The following TBL1Y variants were observed in gnomAD, a reference collection of about 807,000 sequenced individuals.
TBL1Y encodes the protein F-box-like/WD repeat-containing protein TBL1Y.
A neutral mutation model predicts 12.0 loss-of-function variants in TBL1Y; 15 were observed. That is an observed-to-expected ratio of 1.25 (90% confidence interval 0.83 to 1.92). The LOEUF is 1.92. TBL1Y is among the 40% of genes most tolerant of loss of function. The probability of loss-of-function intolerance (pLI) is 0.00; values close to 1 mark genes in which losing one functional copy is unlikely to be tolerated. For synonymous variants in TBL1Y, 53 were observed against 42.6 expected (o/e 1.24, Z -0.95); for missense variants, 148 against 116.7 (o/e 1.27, Z -1.24).
intron 8 of TBL1Y, among the ~76,000 whole-genome samples, chrY:7,066,658 G>A (rs2012986848): frequency 3.1e-5 from 1 of 32,317 alleles, no homozygotes; most frequent in Admixed American, 2.8e-4. Context: ...CAGCCACCAC[G>A]CCCGGCTAAG....
intron 2 of TBL1Y, among the ~76,000 whole-genome samples, chrY:6,960,582 A>G (rs2012116825): frequency 3.0e-5 from 1 of 33,336 alleles, no homozygotes; most frequent in African/African-American, 1.2e-4. Context: ...TAGTTAAATC[A>G]CTATCATAGA....
intron 2 of TBL1Y, among the ~76,000 whole-genome samples, chrY:6,929,431 G>C (rs777055061): frequency 3.0e-5 from 1 of 33,822 alleles, no homozygotes; most frequent in South Asian, 6.6e-4. Flanking sequence ...CAGCACTCAG[G>C]CTTGGCTTCA....
At chrY:6,989,411 T>C (rs892054382) in intron 3 of TBL1Y, among the ~76,000 whole-genome samples, 1 of 33,293 alleles carries the variant, frequency 3.0e-5, no homozygotes, top group Non-Finnish European at 7.4e-5. Flanking sequence ...ATAGCGCTTC[T>C]CAAAGTGGGT....
intron 8 of TBL1Y, 48 bp from the exon 9 acceptor site, chrY:7,070,148 T>C: frequency 2.6e-6 from 1 of 389,655 alleles, no homozygotes; most frequent in Non-Finnish European, 3.6e-6. Flanking sequence ...TTAAATGCCT[T>C]CCTCTTGTAT....
intron 2 of TBL1Y, among the ~76,000 whole-genome samples, chrY:6,941,855 A>T (rs1034829927): frequency 3.0e-5 from 1 of 32,926 alleles, no homozygotes; most frequent in African/African-American, 1.2e-4. Flanking sequence ...CCATTACTTG[A>T]TGCTCTAAAT....
At chrY:6,943,822 T>C in intron 2 of TBL1Y, among the ~76,000 whole-genome samples, 1 of 34,066 alleles carries the variant, frequency 2.9e-5, no homozygotes, top group East Asian at 7.7e-4. Context: ...TTTGTATCTG[T>C]GTAGCCTCAT....
chrY:7,063,319 C>G (rs892957934), intron 7 of TBL1Y, among the ~76,000 whole-genome samples: 14 of 34,076 alleles, frequency 4.1e-4, no homozygotes, highest in Admixed American at 1.1e-3. Flanking sequence ...TGAGCGCACA[C>G]TCGGACAAGG....
rs781587491 is a variant in TBL1Y, at chrY:6,982,396, G to A, written c.-235+4153G>A. Among the ~76,000 whole-genome samples, 63 of 32,919 alleles carry A rather than the reference G, an allele frequency of 1.9e-3. No homozygotes were observed. The Middle Eastern group carries it at 0.046, about 24-fold the overall frequency. The allele number at this position is 32,919 out of a possible 37,273, so 88.3% of individuals were successfully genotyped here. On this transcript the variant is annotated intron_variant, in intron 3 of 18. Coordinates refer to ENST00000383032, the MANE Select transcript of TBL1Y (RefSeq NM_033284.2). ...GTTGAGTCCAGGAAGTCAAGGATGC[G>A]GTGAGCTATTACAGTGCCACTGCTT...
At chrY:7,030,839 ATAGAT>A (rs2012651057) in intron 6 of TBL1Y, among the ~76,000 whole-genome samples, 8 of 33,248 alleles carry the variant, frequency 2.4e-4, no homozygotes, top group Non-Finnish European at 4.4e-4. Flanking sequence ...GTAGATATTG[ATAGAT>A]TAGACAGATG....
intron 6 of TBL1Y, among the ~76,000 whole-genome samples, chrY:7,032,152 G>A (rs2012660296): frequency 9.3e-5 from 3 of 32,318 alleles, no homozygotes; most frequent in Admixed American, 8.6e-4. Flanking sequence ...CTATCTCCAC[G>A]AAAAAAATTT....
chrY:7,034,434 C>T (rs9786129), intron 6 of TBL1Y, among the ~76,000 whole-genome samples: 5,170 of 33,079 alleles, frequency 0.16, no homozygotes, highest in African/African-American at 0.6. Flanking sequence ...AGTGTGATCC[C>T]CATCAAGCTA....
chrY:7,001,399 C>T, intron 4 of TBL1Y, among the ~76,000 whole-genome samples: 1 of 32,882 alleles, frequency 3.0e-5, no homozygotes, highest in African/African-American at 1.2e-4. Context: ...GCGGGTAGAT[C>T]ACGAGGTCAG....
At chrY:7,057,568 G>A (rs1020427546) in intron 7 of TBL1Y, among the ~76,000 whole-genome samples, 3 of 32,962 alleles carry the variant, frequency 9.1e-5, no homozygotes, top group Non-Finnish European at 1.5e-4. Context: ...CATTTCGGCT[G>A]TGAGGGAAGT....
intron 6 of TBL1Y, among the ~76,000 whole-genome samples, chrY:7,036,829 G>C (rs2012695930): frequency 3.0e-5 from 1 of 33,258 alleles, no homozygotes; most frequent in African/African-American, 1.2e-4. Context: ...ATGAGGTTTG[G>C]AAGGCCATTC....
chrY:6,996,874 T>C, intron 4 of TBL1Y, among the ~76,000 whole-genome samples: 3 of 32,645 alleles, frequency 9.2e-5, no homozygotes, highest in Non-Finnish European at 1.5e-4. Context: ...CACATTCTCA[T>C]TGGAACCCAC....
intron 2 of TBL1Y, among the ~76,000 whole-genome samples, chrY:6,928,898 A>C: frequency 2.1e-4 from 7 of 32,916 alleles, no homozygotes; most frequent in African/African-American, 8.3e-4. Flanking sequence ...GTAGGGGAGC[A>C]AGGTGGAGAG....
At chrY:6,980,524 C>T in intron 3 of TBL1Y, among the ~76,000 whole-genome samples, 1 of 33,053 alleles carries the variant, frequency 3.0e-5, no homozygotes, top group Non-Finnish European at 7.4e-5. Flanking sequence ...CTATATATTA[C>T]TCTTTTCCTA....
chrY:6,945,024 CT>C (rs2011975587), intron 2 of TBL1Y, among the ~76,000 whole-genome samples: 1 of 29,516 alleles, frequency 3.4e-5, no homozygotes, highest in East Asian at 8.8e-4. Context: ...TTCTACTTTC[CT>C]TTTTTTCCTT....
At chrY:7,056,633 T>G in intron 7 of TBL1Y, among the ~76,000 whole-genome samples, 1 of 33,071 alleles carries the variant, frequency 3.0e-5, no homozygotes, top group Non-Finnish European at 7.4e-5. Flanking sequence ...CCAGAATAAA[T>G]GGCCTTTTTG....
Sources: allele counts gnomAD v4.1 joint callset (sites outside exome capture counted in the v4.1 genomes callset), GRCh38; gene constraint gnomAD v4.1.1; transcripts MANE v1.5; gene names NCBI Gene and HGNC (gene_info 2026-07-23, HGNC 2026-07-21).